Variants in LYPD1 observed in about 807,000 individuals in gnomAD.
The protein encoded by LYPD1 is LY6/PLAUR domain containing 1, also known as ly6/PLAUR domain-containing protein 1.
In LYPD1, 14 loss-of-function variants were observed where a neutral mutation model predicts 14.2. That is an observed-to-expected ratio of 0.99 (90% CI 0.65 to 1.54). The LOEUF is 1.54. Ranked by LOEUF, LYPD1 falls within the 40% of genes most tolerant of loss-of-function variation. The probability of loss-of-function intolerance (pLI) is 0.00; values close to 1 mark genes in which losing one functional copy is unlikely to be tolerated. For missense variants in LYPD1, 165 were observed against 175.7 expected, an observed-to-expected ratio of 0.94 and a Z score of 0.34; for synonymous variants, 85 against 70.6, an observed-to-expected ratio of 1.20 and a Z score of -1.02.
chr2:132,668,641 C>G lies in LYPD1; in HGVS notation c.53-104G>C, dbSNP rs1439802078. On this transcript the variant is annotated intron_variant, in intron 1 of 2. Coordinates refer to ENST00000397463, the MANE Select transcript of LYPD1 (RefSeq NM_144586.7). ...GAGCCAGGCGGCTCCCAGCCTCTGGCAGGCTTAGACCACTCCTGGGTCTCC... is the reference window on the plus strand; with the variant it reads ...GAGCCAGGCGGCTCCCAGCCTCTGGGAGGCTTAGACCACTCCTGGGTCTCC... 4.7e-6 allele frequency: 7 copies of G among 1,501,202 alleles called. No homozygotes were observed. The South Asian group carries it at 6.2e-5, about 13-fold the overall frequency. The allele number at this position is 1,501,202 out of a possible 1,614,324, so 93.0% of individuals were successfully genotyped here.
chr2:132,668,606 C>A, intron 1 of LYPD1, 69 bp from the exon 2 acceptor site: 2 of 1,582,448 alleles, frequency 1.3e-6, no homozygotes, highest in Non-Finnish European at 1.7e-6. Flanking sequence ...CACGACCATC[C>A]CACGCCTCAG....
upstream of LYPD1, among the ~76,000 whole-genome samples, chr2:132,670,690 CG>C (rs1375285088): frequency 6.6e-6 from 1 of 152,180 alleles, no homozygotes; most frequent in Non-Finnish European, 1.5e-5. The surrounding 1 kb of genome is among the most constrained non-coding windows in gnomAD (Gnocchi z 4.5). Context: ...CGCGCGTTCC[CG>C]TGCGCCTGGC....
At chr2:132,670,996 TCTC>T (rs964711058), upstream of LYPD1, among the ~76,000 whole-genome samples, 4 of 151,950 alleles carry the variant, frequency 2.6e-5, no homozygotes, top group South Asian at 6.2e-4. The surrounding 1 kb of genome is among the most constrained non-coding windows in gnomAD (Gnocchi z 4.5). Flanking sequence ...AGAGGGTTGT[TCTC>T]CTCCATTCCT....
chr2:132,662,730 A>C (rs928048726), intron 2 of LYPD1, among the ~76,000 whole-genome samples: 6 of 152,156 alleles, frequency 3.9e-5, no homozygotes, highest in African/African-American at 9.7e-5. Flanking sequence ...TTTTGTTTTC[A>C]TACTTCGTTT....
chr2:132,653,149 C>A (rs1682420541), intron 2 of LYPD1, among the ~76,000 whole-genome samples: 1 of 152,182 alleles, frequency 6.6e-6, no homozygotes, highest in African/African-American at 2.4e-5. Context: ...ATATTTCATT[C>A]TAATTCTGAA....
intron 1 of LYPD1, among the ~76,000 whole-genome samples, chr2:132,668,846 G>T (rs987146424): frequency 6.6e-6 from 1 of 152,230 alleles, no homozygotes; most frequent in Non-Finnish European, 1.5e-5. Context: ...CGGTACCACC[G>T]CAAGAGTGAA....
rs1431343257 is a variant in LYPD1 at position 132,643,371 on chromosome 2, A to G, written c.*2674T>C. On this transcript the variant is annotated 3_prime_UTR_variant, in exon 3 of 3. Transcript: ENST00000397463. ...AAATTAACAAAGGAGAAGAGTTTCC[A>G]AGGCCTTCCTTGCTCACATATGGAT... 6.6e-6 allele frequency among the ~76,000 whole-genome samples: 1 copy of G among 152,230 alleles called. No homozygotes were observed. Among genetic ancestry groups the G allele is most frequent in the African/African-American group, 2.4e-5 (1 of 41,462 alleles).
At chr2:132,660,741 CT>C (rs1243307960) in intron 2 of LYPD1, among the ~76,000 whole-genome samples, 1 of 152,106 alleles carries the variant, frequency 6.6e-6, no homozygotes, top group African/African-American at 2.4e-5. Flanking sequence ...GCTTAGTCTT[CT>C]AGAAAAAATT....
chr2:132,646,193 A>C lies in LYPD1; in HGVS notation c.278T>G (p.Leu93Arg), dbSNP rs377192632. 1 of 1,609,648 alleles carries C rather than the reference A, an allele frequency of 6.2e-7. No individual in the cohort carries two copies. Among genetic ancestry groups the C allele is most frequent in the Admixed American group, 1.7e-5 (1 of 59,518 alleles). ...GYQSFCSPGKLNSVCISCCNT... is the reference protein window; with the variant it reads ...GYQSFCSPGKRNSVCISCCNT... ...GCAGCAGCTGATGCAAACTGAGTTC[A>C]GTTTCCCTGGGGAGCAGAAGGACTG... Residue 93 changes from leucine (L) to arginine (R), a missense_variant, in exon 3 of 3, where the codon CTG becomes CGG. Physicochemically the swap from Leu to Arg is moderately radical, Grantham distance 102. Transcript: ENST00000397463.
At chr2:132,657,957 G>C (rs954171558) in intron 2 of LYPD1, among the ~76,000 whole-genome samples, 1 of 152,178 alleles carries the variant, frequency 6.6e-6, no homozygotes, top group Non-Finnish European at 1.5e-5. Context: ...TGGCCACTCA[G>C]TCACTACCCT....
At chr2:132,647,294 A>G (rs2104893554) in intron 2 of LYPD1, among the ~76,000 whole-genome samples, 1 of 152,340 alleles carries the variant, frequency 6.6e-6, no homozygotes, top group South Asian at 2.1e-4. Context: ...CTGGGATTTG[A>G]ACCCAGCATT....
At chr2:132,660,956 C>A (rs1334812376) in intron 2 of LYPD1, among the ~76,000 whole-genome samples, 2 of 152,170 alleles carry the variant, frequency 1.3e-5, no homozygotes, top group Non-Finnish European at 2.9e-5. Context: ...CTGCTTTATC[C>A]TCAAGCTTTC....
chr2:132,670,924 G>A (rs1048061024), upstream of LYPD1, among the ~76,000 whole-genome samples: 6 of 152,182 alleles, frequency 3.9e-5, no homozygotes, highest in African/African-American at 1.4e-4. The surrounding 1 kb of genome is among the most constrained non-coding windows in gnomAD (Gnocchi z 4.5). Context: ...CCTAGCCTAG[G>A]AGAACGCCGT....
At chr2:132,668,653 A>T in intron 1 of LYPD1, 116 bp from the exon 2 acceptor site, 2 of 1,389,632 alleles carry the variant, frequency 1.4e-6, no homozygotes, top group Non-Finnish European at 1.9e-6. Flanking sequence ...GGCTTAGACC[A>T]CTCCTGGGTC....
intron 2 of LYPD1, among the ~76,000 whole-genome samples, chr2:132,663,983 G>A (rs903827715): frequency 3.3e-5 from 5 of 152,104 alleles, no homozygotes; most frequent in African/African-American, 4.8e-5. Flanking sequence ...GCATATGTGG[G>A]TATATGCAAA....
chr2:132,669,852 C>T lies in LYPD1; in HGVS notation c.52+29G>A, dbSNP rs546751159. Reference sequence around the variant, plus strand: ...GGTAGATGGATTGTGCGCACCTGGCCTCGGCTGCTGGCCTCTGGGTATTCT... The same window carrying T: ...GGTAGATGGATTGTGCGCACCTGGCTTCGGCTGCTGGCCTCTGGGTATTCT... On this transcript the variant is annotated intron_variant, in intron 1 of 2. Transcript: ENST00000397463. The surrounding 1 kb of genome is among the most constrained non-coding windows in gnomAD (Gnocchi z 4.3). 1.7e-5 allele frequency: 27 copies of T among 1,611,180 alleles called. No homozygotes were observed. Among genetic ancestry groups the T allele is most frequent in the Non-Finnish European group, 2.2e-5 (26 of 1,178,770 alleles).
chr2:132,646,169 C>T lies in LYPD1; in HGVS notation c.302G>A (p.Cys101Tyr). 6.2e-7 allele frequency: 1 copy of T among 1,611,212 alleles called. No homozygotes were observed. Among genetic ancestry groups the T allele is most frequent in the Non-Finnish European group, 8.5e-7 (1 of 1,178,454 alleles). Residue 101 changes from cysteine to tyrosine, a missense_variant, in exon 3 of 3, where the codon TGC becomes TAC. Transcript: ENST00000397463. Reference sequence around the variant, plus strand: ...TGGCCCGTTACAAAGAGGGGTGTTGCAGCAGCTGATGCAAACTGAGTTCAG... The same window carrying T: ...TGGCCCGTTACAAAGAGGGGTGTTGTAGCAGCTGATGCAAACTGAGTTCAG... ...GKLNSVCISC[C>Y]NTPLCNGPRP... is the part of the protein sequence containing the mutation.
At chr2:132,668,610 G>C (rs2709532) in intron 1 of LYPD1, 73 bp from the exon 2 acceptor site, 882,803 of 1,570,840 alleles carry the variant, frequency 0.56, 250,375 homozygotes, top group East Asian at 0.63. Context: ...ACCATCCCAC[G>C]CCTCAGAGCC....
intron 2 of LYPD1, among the ~76,000 whole-genome samples, chr2:132,648,708 A>AAGTT (rs1682242941): frequency 6.6e-6 from 1 of 152,162 alleles, no homozygotes; most frequent in Admixed American, 6.5e-5. Context: ...TTCATAAGGA[A>AAGTT]AGTTGGGGAG....
Sources: allele counts gnomAD v4.1 joint callset (sites outside exome capture counted in the v4.1 genomes callset), GRCh38; gene constraint gnomAD v4.1.1; non-coding constraint Gnocchi (gnomAD v3.1); transcripts MANE v1.5; gene names NCBI Gene and HGNC (gene_info 2026-07-23, HGNC 2026-07-21).